Variants in TMEM182 observed in about 807,000 individuals in gnomAD.
TMEM182 encodes the protein transmembrane protein 182.
A neutral mutation model predicts 26.8 loss-of-function variants in TMEM182; 20 were observed. That is an observed-to-expected ratio of 0.75 (90% CI 0.53 to 1.09). The LOEUF (loss-of-function observed/expected upper bound fraction) is 1.09. Ranked by LOEUF, TMEM182 falls within the 50% of genes least tolerant of loss-of-function variation. The probability of loss-of-function intolerance (pLI) is 0.00; values close to 1 mark genes in which losing one functional copy is unlikely to be tolerated. For missense variants in TMEM182, 277 were observed against 275.5 expected, an observed-to-expected ratio of 1.01 and a Z score of -0.04; for synonymous variants, 109 against 102.2, an observed-to-expected ratio of 1.07 and a Z score of -0.40.
Position 102,815,699 on chromosome 2 carries a change from G to A in TMEM182, c.*731G>A. 1.0e-6 allele frequency: 1 copy of A among 976,160 alleles called. No homozygotes were observed. The highest frequency in any genetic ancestry group is 1.2e-6 in the Non-Finnish European group (1 of 821,528). The allele number at this position is 976,160 out of a possible 1,614,324, so 60.5% of individuals were successfully genotyped here. On this transcript the variant is annotated 3_prime_UTR_variant, in exon 5 of 5. Transcript: ENST00000412401. Reference sequence around the variant, plus strand: ...TAGATTGAATTTTTATGAACTTAAAGTGAGTTAATTGTATAATGTAATATT... The same window carrying A: ...TAGATTGAATTTTTATGAACTTAAAATGAGTTAATTGTATAATGTAATATT...
At chr2:102,813,266 C>T (rs1189741929) in intron 4 of TMEM182, among the ~76,000 whole-genome samples, 2 of 152,106 alleles carry the variant, frequency 1.3e-5, no homozygotes, top group Non-Finnish European at 2.9e-5. Flanking sequence ...AAATTGATGG[C>T]CCAGGAGAGA....
At chr2:102,789,869 A>G (rs970240971) in intron 3 of TMEM182, among the ~76,000 whole-genome samples, 5 of 152,078 alleles carry the variant, frequency 3.3e-5, no homozygotes, top group African/African-American at 1.2e-4. Flanking sequence ...CGCAGGGAGC[A>G]GCTTCTTACC....
intron 4 of TMEM182, among the ~76,000 whole-genome samples, chr2:102,798,867 A>T (rs745715454): frequency 6.6e-6 from 1 of 152,094 alleles, no homozygotes; most frequent in Admixed American, 6.6e-5. Flanking sequence ...ATTAATTGTG[A>T]TCCATATGAA....
intron 3 of TMEM182, among the ~76,000 whole-genome samples, chr2:102,835,299 A>G (rs1344204962): frequency 6.6e-6 from 1 of 152,210 alleles, no homozygotes; most frequent in Non-Finnish European, 1.5e-5. Context: ...GATTTTTAAA[A>G]TTGACATTTT....
At chr2:102,828,854 G>A (rs894658131) in intron 3 of TMEM182, among the ~76,000 whole-genome samples, 5 of 152,132 alleles carry the variant, frequency 3.3e-5, no homozygotes, top group African/African-American at 9.7e-5. Context: ...GAAAAATGAA[G>A]GAGTAGCATC....
chr2:102,815,248 T>C lies in TMEM182; in HGVS notation c.*280T>C. The stretch of plus-strand genomic sequence containing the variant: ...TTGAACATGTTAGAGTTCATGCAGG[T>C]CGCAAAGGCCTGATAATAGCTTAAT... On this transcript the variant is annotated 3_prime_UTR_variant, in exon 5 of 5. Transcript: ENST00000412401. 8.5e-7 allele frequency: 1 copy of C among 1,173,282 alleles called. No individual in the cohort carries two copies. The highest frequency in any genetic ancestry group is 1.1e-6 in the Non-Finnish European group (1 of 947,656). 72.7% of individuals were successfully genotyped at this position (1,173,282 alleles called of 1,614,324 possible).
intron 1 of TMEM182, among the ~76,000 whole-genome samples, chr2:102,737,443 C>T (rs1424163538): frequency 6.6e-6 from 1 of 152,102 alleles, no homozygotes; most frequent in East Asian, 1.9e-4. Context: ...AAATACTAAA[C>T]ATGCAATGAA....
chr2:102,837,329 T>G (rs1477451490), intron 3 of TMEM182, among the ~76,000 whole-genome samples: 3 of 152,224 alleles, frequency 2.0e-5, no homozygotes, highest in African/African-American at 7.2e-5. Context: ...AAACGTTATT[T>G]GTTTTTAACT....
intron 4 of TMEM182, among the ~76,000 whole-genome samples, chr2:102,813,786 T>C (rs1682638431): frequency 6.6e-6 from 1 of 152,190 alleles, no homozygotes; most frequent in Admixed American, 6.5e-5. Flanking sequence ...TAATACTTCA[T>C]CTAATTCCAA....
chr2:102,761,028 C>G (rs2540301), upstream of TMEM182, among the ~76,000 whole-genome samples: 48,074 of 151,962 alleles, frequency 0.32, 8,486 homozygotes, highest in African/African-American at 0.48. Flanking sequence ...AAAAAGAAGG[C>G]GTGAAGAAAG....
chr2:102,777,787 T>C (rs1004503485), intron 3 of TMEM182, among the ~76,000 whole-genome samples: 1 of 151,592 alleles, frequency 6.6e-6, no homozygotes, highest in African/African-American at 2.4e-5. Context: ...TTTTCTTTTT[T>C]TTTTGCCTTA....
In TMEM182 at chr2:102,798,005, G is replaced by A. The variant is rs779216462; in HGVS notation, c.469+5G>A. 2.6e-5 allele frequency: 42 copies of A among 1,609,720 alleles called. No homozygotes were observed. The highest frequency in any genetic ancestry group is 3.3e-5 in the South Asian group (3 of 89,930). On this transcript the variant is annotated splice_donor_5th_base_variant and intron_variant, in intron 4 of 4. Coordinates refer to ENST00000412401, the MANE Select transcript of TMEM182 (RefSeq NM_144632.5). ...GAGGCTCATATATTGCTGCAGGTAC[G>A]TACGGTGCAATGGGTATGACTTTCA... is the stretch of plus-strand genomic sequence containing the variant.
chr2:102,796,377 T>A (rs1681868503), intron 3 of TMEM182, among the ~76,000 whole-genome samples: 1 of 152,212 alleles, frequency 6.6e-6, no homozygotes, highest in African/African-American at 2.4e-5. Context: ...GGATTTCTTA[T>A]TCTCTGAGCT....
chr2:102,771,480 T>C (rs909840855), intron 3 of TMEM182, among the ~76,000 whole-genome samples: 1 of 151,954 alleles, frequency 6.6e-6, no homozygotes, highest in Admixed American at 6.6e-5. Context: ...ATCAAGGCCG[T>C]ACTTAAAAAT....
At chr2:102,797,822 G>A in intron 3 of TMEM182, 41 bp from the exon 4 acceptor site, 1 of 1,589,768 alleles carries the variant, frequency 6.3e-7, no homozygotes, top group Non-Finnish European at 8.5e-7. Flanking sequence ...CAATCTAAGT[G>A]TATTTTTCTT....
chr2:102,783,958 A>G (rs775617570), intron 3 of TMEM182, among the ~76,000 whole-genome samples: 1 of 148,864 alleles, frequency 6.7e-6, no homozygotes, highest in African/African-American at 2.4e-5. Flanking sequence ...GTCTGTCCCA[A>G]CGAGACACTC....
chr2:102,831,332 C>G (rs1683144617), intron 3 of TMEM182, among the ~76,000 whole-genome samples: 1 of 152,224 alleles, frequency 6.6e-6, no homozygotes, highest in Non-Finnish European at 1.5e-5. Context: ...CTTTTCTCCA[C>G]AATCCTTGCC....
At chr2:102,836,792 GC>G (rs1683255111) in intron 3 of TMEM182, among the ~76,000 whole-genome samples, 1 of 152,194 alleles carries the variant, frequency 6.6e-6, no homozygotes, top group Non-Finnish European at 1.5e-5. Flanking sequence ...CAGCTGTGCT[GC>G]CCCACAGACA....
At chr2:102,838,895 G>T (rs527681787) in intron 3 of TMEM182, among the ~76,000 whole-genome samples, 2 of 152,166 alleles carry the variant, frequency 1.3e-5, no homozygotes, top group African/African-American at 4.8e-5. Context: ...GAAAAATAAA[G>T]GAATGAGAGA....
Sources: allele counts gnomAD v4.1 joint callset (sites outside exome capture counted in the v4.1 genomes callset), GRCh38; gene constraint gnomAD v4.1.1; transcripts MANE v1.5; gene names NCBI Gene and HGNC (gene_info 2026-07-23, HGNC 2026-07-21).